Variants in TRPM3 observed in about 807,000 individuals in gnomAD.
TRPM3 encodes the protein transient receptor potential cation channel subfamily M member 3, also known as long transient receptor potential channel 3.
Under a neutral mutation model 181.2 loss-of-function variants are expected in TRPM3, and 77 were observed. The observed-to-expected ratio is 0.42, with a 90% confidence interval of 0.35 to 0.51. TRPM3 has a LOEUF of 0.51. Among genes scored for constraint, TRPM3 ranks in the 20% least tolerant of loss-of-function variants. The pLI, the probability that TRPM3 is intolerant of heterozygous loss-of-function variation, is 0.01. For synonymous variants in TRPM3, 745 were observed against 796.4 expected (o/e 0.94, Z 1.09); for missense variants, 1,759 against 2,196.7 (o/e 0.80, Z 3.98).
At position 70,863,029 on chromosome 9, in the gene TRPM3, C is replaced by G; in HGVS notation, c.341G>C (p.Arg114Pro). 1 of 1,613,552 alleles carries G rather than the reference C, an allele frequency of 6.2e-7. No homozygotes were observed. The highest frequency in any genetic ancestry group is 1.1e-5 in the South Asian group (1 of 91,068). The stretch of plus-strand genomic sequence containing the variant: ...AGACTGGATGTCATTTCGGGAGAGG[C>G]GACTTTCATTTTTCTCATTCTGAAG... ...SVLQNEKNESRLSRNDIQSEK... is the reference protein window; with the variant it reads ...SVLQNEKNESPLSRNDIQSEK... The change falls in exon 3 of 26, where the codon CGC becomes CCC. Residue 114 changes from arginine to proline, a missense_variant. Coordinates refer to ENST00000677713, the MANE Select transcript of TRPM3 (RefSeq NM_001366145.2).
chr9:71,361,305 T>C (rs1398497715), intron 1 of TRPM3, among the ~76,000 whole-genome samples: 1 of 152,162 alleles, frequency 6.6e-6, no homozygotes, highest in Admixed American at 6.5e-5. Context: ...CTAATAAATA[T>C]CTCAGGACAC....
At chr9:71,368,996 T>C (rs1373313152) in intron 1 of TRPM3, among the ~76,000 whole-genome samples, 1 of 152,066 alleles carries the variant, frequency 6.6e-6, no homozygotes, top group East Asian at 1.9e-4. Context: ...AAATAAGACA[T>C]ACATGTAGGA....
At chr9:71,301,195 C>A (rs1401692659) in intron 1 of TRPM3, among the ~76,000 whole-genome samples, 1 of 152,152 alleles carries the variant, frequency 6.6e-6, no homozygotes, top group Non-Finnish European at 1.5e-5. Context: ...CAAGAGATCT[C>A]ACCTCATTCA....
chr9:70,857,788 T>A (rs1318618828), intron 3 of TRPM3, among the ~76,000 whole-genome samples: 2 of 152,210 alleles, frequency 1.3e-5, no homozygotes, highest in Non-Finnish European at 2.9e-5. Context: ...AGTAATTTTT[T>A]AAAAACTCTG....
intron 1 of TRPM3, among the ~76,000 whole-genome samples, chr9:70,971,699 A>T (rs1056165105): frequency 6.6e-6 from 1 of 152,180 alleles, no homozygotes; most frequent in Non-Finnish European, 1.5e-5. Flanking sequence ...ACCCCATTCT[A>T]GAGGGAAGAA....
intron 1 of TRPM3, chr9:70,917,498 G>A (rs1433301904): frequency 2.7e-6 from 2 of 729,452 alleles, no homozygotes; most frequent in Non-Finnish European, 5.1e-6. Context: ...CAGGGCCAAG[G>A]GAGCCACCAC....
In TRPM3 at chr9:71,120,636, C is replaced by CA. The variant is rs375338367; in HGVS notation, c.177+541dup. On this transcript the variant is annotated intron_variant, in intron 1 of 25. Transcript: ENST00000677713. ...TATGCCTTTTCTAAAAACAAGGACA[C>CA]AAAAAAAGTCACTGTCTGAGGAGGC... is the stretch of plus-strand genomic sequence containing the variant. 3.9e-5 allele frequency among the ~76,000 whole-genome samples: 6 copies of CA among 152,206 alleles called. No individual in the cohort carries two copies. The East Asian group carries it at 5.8e-4, about 15-fold the overall frequency.
chr9:70,619,230 T>C, intron 16 of TRPM3, 135 bp from the exon 17 acceptor site: 3 of 686,832 alleles, frequency 4.4e-6, no homozygotes, highest in Non-Finnish European at 7.4e-6. Context: ...AGTCTGTTTG[T>C]AAATTCATCC....
intron 1 of TRPM3, among the ~76,000 whole-genome samples, chr9:71,100,846 A>C (rs1165618214): frequency 6.6e-6 from 1 of 152,176 alleles, no homozygotes; most frequent in Non-Finnish European, 1.5e-5. Flanking sequence ...AGTAGCTGTT[A>C]TTAAATTTGA....
intron 1 of TRPM3, among the ~76,000 whole-genome samples, chr9:71,157,032 A>G (rs1301988119): frequency 6.6e-6 from 1 of 152,138 alleles, no homozygotes; most frequent in Non-Finnish European, 1.5e-5. Context: ...CAAAGATATA[A>G]ATGCTCCACT....
At chr9:71,416,148 T>A (rs1001862719) in intron 1 of TRPM3, among the ~76,000 whole-genome samples, 1 of 151,844 alleles carries the variant, frequency 6.6e-6, no homozygotes, top group Admixed American at 6.6e-5. Flanking sequence ...GAAGCATCAT[T>A]TGGGATTTGG....
At chr9:71,005,895 T>C (rs1418476647) in intron 1 of TRPM3, among the ~76,000 whole-genome samples, 1 of 152,186 alleles carries the variant, frequency 6.6e-6, no homozygotes, top group Non-Finnish European at 1.5e-5. Flanking sequence ...ACTATAATTA[T>C]AATATGTAAG....
At chr9:71,110,633 C>T (rs2070865840) in intron 1 of TRPM3, among the ~76,000 whole-genome samples, 1 of 152,132 alleles carries the variant, frequency 6.6e-6, no homozygotes, top group African/African-American at 2.4e-5. Flanking sequence ...CTACCCTGAT[C>T]TAACCTTATT....
At chr9:70,793,693 A>C (rs779125924) in intron 6 of TRPM3, 10 of 469,374 alleles carry the variant, frequency 2.1e-5, no homozygotes, top group South Asian at 1.6e-4. Context: ...TGTAACTATG[A>C]AAACCTGGCA....
chr9:71,157,964 G>C (rs1238928778), intron 1 of TRPM3, among the ~76,000 whole-genome samples: 1 of 152,110 alleles, frequency 6.6e-6, no homozygotes, highest in African/African-American at 2.4e-5. Context: ...TGGCACTACA[G>C]AACAGTTGAC....
intron 8 of TRPM3, among the ~76,000 whole-genome samples, chr9:70,687,795 C>A (rs920031969): frequency 6.6e-6 from 1 of 152,208 alleles, no homozygotes; most frequent in African/African-American, 2.4e-5. Context: ...GCACTTGTCA[C>A]TCTCACCCTC....
chr9:70,641,555 TTC>T (rs1418580254), intron 9 of TRPM3, among the ~76,000 whole-genome samples: 1 of 152,226 alleles, frequency 6.6e-6, no homozygotes, highest in Non-Finnish European at 1.5e-5. Flanking sequence ...TTTCTCCAGA[TTC>T]TGTCTCTAGA....
At chr9:71,330,850 A>T (rs531942598) in intron 1 of TRPM3, among the ~76,000 whole-genome samples, 1 of 151,770 alleles carries the variant, frequency 6.6e-6, no homozygotes, top group Non-Finnish European at 1.5e-5. Context: ...AGGGAACCAC[A>T]GTCTTTCCTG....
chr9:70,777,325 G>A (rs961671341), intron 7 of TRPM3, among the ~76,000 whole-genome samples: 2 of 151,984 alleles, frequency 1.3e-5, no homozygotes, highest in Admixed American at 1.3e-4. Context: ...GTCCATGTAG[G>A]GCACTGATGA....
Sources: allele counts gnomAD v4.1 joint callset (sites outside exome capture counted in the v4.1 genomes callset), GRCh38; gene constraint gnomAD v4.1.1; transcripts MANE v1.5; gene names NCBI Gene and HGNC (gene_info 2026-07-23, HGNC 2026-07-21).